The following FAM107B variants were observed in gnomAD, a reference collection of about 807,000 sequenced individuals.
FAM107B encodes the protein family with sequence similarity 107 member B.
In FAM107B, 21 loss-of-function variants were observed where a neutral mutation model predicts 31.5. That is an observed-to-expected ratio of 0.67 (90% CI 0.47 to 0.96). The LOEUF (loss-of-function observed/expected upper bound fraction) is 0.96, where lower values mean the gene tolerates loss of function less well. FAM107B is among the 40% of genes least tolerant of loss of function. FAM107B has a pLI of 0.00. For missense variants in FAM107B, 452 were observed against 377.1 expected, an observed-to-expected ratio of 1.20 and a Z score of -1.64; for synonymous variants, 157 against 141.5, an observed-to-expected ratio of 1.11 and a Z score of -0.78.
At chr10:14,769,133 G>A (rs1833244994) in intron 1 of FAM107B, among the ~76,000 whole-genome samples, 1 of 152,188 alleles carries the variant, frequency 6.6e-6, no homozygotes, top group Non-Finnish European at 1.5e-5. Flanking sequence ...GCTGTATCCA[G>A]CAACACAGGG....
intron 1 of FAM107B, among the ~76,000 whole-genome samples, chr10:14,679,054 C>A (rs1854763330): frequency 6.6e-6 from 1 of 152,198 alleles, no homozygotes; most frequent in Non-Finnish European, 1.5e-5. Context: ...GTTAGAGAGA[C>A]TGAGGTTCAA....
chr10:14,661,972 A>T (rs139691117), intron 2 of FAM107B, among the ~76,000 whole-genome samples: 2 of 152,162 alleles, frequency 1.3e-5, no homozygotes, highest in Non-Finnish European at 2.9e-5. Context: ...TTTAGTCTCT[A>T]TTATCAGAAC....
chr10:14,591,284 G>C (rs1244726337), intron 2 of FAM107B, among the ~76,000 whole-genome samples: 2 of 152,174 alleles, frequency 1.3e-5, no homozygotes, highest in African/African-American at 4.8e-5. Context: ...AAAAAAGAGA[G>C]TTAGCACATA....
At chr10:14,662,170 A>T (rs935163608) in intron 2 of FAM107B, among the ~76,000 whole-genome samples, 5 of 152,218 alleles carry the variant, frequency 3.3e-5, no homozygotes, top group African/African-American at 9.6e-5. Context: ...ATTGCAACGC[A>T]TCTTTAAAAT....
intron 1 of FAM107B, among the ~76,000 whole-genome samples, chr10:14,752,230 A>G (rs1319835800): frequency 1.3e-5 from 2 of 152,194 alleles, no homozygotes; most frequent in Admixed American, 1.3e-4. Flanking sequence ...GCCTGGAAAA[A>G]GGGACTCAAC....
chr10:14,736,010 G>C (rs1856291439), intron 1 of FAM107B, among the ~76,000 whole-genome samples: 1 of 152,166 alleles, frequency 6.6e-6, no homozygotes, highest in Non-Finnish European at 1.5e-5. Context: ...AATATCATGA[G>C]AGATTTTATG....
chr10:14,554,157 T>C, intron 2 of FAM107B: 2 of 985,402 alleles, frequency 2.0e-6, no homozygotes, highest in Non-Finnish European at 2.4e-6. Flanking sequence ...GAGTTAGAAA[T>C]GGGCTTTTTC....
At chr10:14,606,691 T>A (rs1852598057) in intron 2 of FAM107B, among the ~76,000 whole-genome samples, 1 of 151,938 alleles carries the variant, frequency 6.6e-6, no homozygotes, top group South Asian at 2.1e-4. Flanking sequence ...CCTTCTCTCT[T>A]CCTCTCTCCC....
intron 2 of FAM107B, among the ~76,000 whole-genome samples, chr10:14,571,311 C>G (rs550769580): frequency 2.0e-5 from 3 of 152,192 alleles, no homozygotes; most frequent in African/African-American, 7.2e-5. Context: ...ATAACAAGTA[C>G]TTCAAAATAT....
intron 1 of FAM107B, among the ~76,000 whole-genome samples, chr10:14,762,386 C>T (rs80253970): frequency 0.035 from 5,316 of 152,216 alleles, 301 homozygotes; most frequent in African/African-American, 0.12. Flanking sequence ...AGGAGGCTAG[C>T]GGAACCTAAA....
chr10:14,705,769 A>G (rs1296313236), intron 1 of FAM107B, among the ~76,000 whole-genome samples: 1 of 152,118 alleles, frequency 6.6e-6, no homozygotes, highest in Non-Finnish European at 1.5e-5. Context: ...TTGCAAGACG[A>G]AAGAGTTCTG....
At chr10:14,625,577 G>A (rs1452597439) in intron 2 of FAM107B, among the ~76,000 whole-genome samples, 2 of 152,148 alleles carry the variant, frequency 1.3e-5, no homozygotes, top group East Asian at 1.9e-4. Flanking sequence ...GTGACATGGT[G>A]TGCCAAAATA....
At chr10:14,764,904 A>G (rs1482287285) in intron 1 of FAM107B, among the ~76,000 whole-genome samples, 3 of 152,234 alleles carry the variant, frequency 2.0e-5, no homozygotes, top group African/African-American at 7.2e-5. Context: ...GGTCTTGTCA[A>G]TAAGTTGAAA....
At chr10:14,675,454 C>T (rs796809433) in intron 1 of FAM107B, among the ~76,000 whole-genome samples, 9 of 152,234 alleles carry the variant, frequency 5.9e-5, no homozygotes, top group African/African-American at 2.2e-4. Flanking sequence ...GCTTTCTGCT[C>T]CATTATATTC....
chr10:14,613,436 T>C (rs1015241182), intron 2 of FAM107B, among the ~76,000 whole-genome samples: 2 of 152,252 alleles, frequency 1.3e-5, no homozygotes, highest in Non-Finnish European at 2.9e-5. Flanking sequence ...ATGTGACTAA[T>C]GAAAAGCAGA....
chr10:14,658,874 G>A (rs1489183518), intron 2 of FAM107B, among the ~76,000 whole-genome samples: 1 of 152,210 alleles, frequency 6.6e-6, no homozygotes, highest in Non-Finnish European at 1.5e-5. Flanking sequence ...TCTAGAAGGG[G>A]ACGACAGACA....
At chr10:14,609,953 G>T (rs59814003) in intron 2 of FAM107B, among the ~76,000 whole-genome samples, 1 of 152,296 alleles carries the variant, frequency 6.6e-6, no homozygotes, top group Non-Finnish European at 1.5e-5. Context: ...AGTAATAACC[G>T]AATTCCCACA....
chr10:14,741,250 C>T lies in FAM107B; in HGVS notation c.411+33003G>A, dbSNP rs999580446. Among the ~76,000 whole-genome samples, 5 of 152,088 alleles carry T rather than the reference C, an allele frequency of 3.3e-5. No homozygotes were observed. In the East Asian group the frequency reaches 7.7e-4, roughly 23 times the overall value. On this transcript the variant is annotated intron_variant, in intron 1 of 4. Transcript: ENST00000181796. ...GAGCAGATTGTCAAGACAATCTGCT[C>T]AGGAAACAGGTAAAACCAGAAAGGA...
At chr10:14,585,124 G>A (rs969174411) in intron 2 of FAM107B, among the ~76,000 whole-genome samples, 3 of 152,262 alleles carry the variant, frequency 2.0e-5, no homozygotes, top group Non-Finnish European at 4.4e-5. Context: ...TTCTGTAACC[G>A]GGCTCTTGAG....
Sources: allele counts gnomAD v4.1 joint callset (sites outside exome capture counted in the v4.1 genomes callset), GRCh38; gene constraint gnomAD v4.1.1; transcripts MANE v1.5; gene names NCBI Gene and HGNC (gene_info 2026-07-23, HGNC 2026-07-21).